Variants in PDP1 observed in about 807,000 individuals in gnomAD.
PDP1 encodes pyruvate dehyrogenase phosphatase catalytic subunit 1.
In PDP1, 14 loss-of-function variants were observed where a neutral mutation model predicts 37.1. The observed-to-expected ratio is 0.38, with a 90% CI of 0.25 to 0.59. PDP1 has a LOEUF of 0.59. Ranked by LOEUF, PDP1 falls within the 20% of genes least tolerant of loss-of-function variation. The pLI, the probability that PDP1 is intolerant of heterozygous loss-of-function variation, is 0.67. For missense variants in PDP1, 544 were observed against 655.3 expected, an observed-to-expected ratio of 0.83 and a Z score of 1.85; for synonymous variants, 251 against 243.3, an observed-to-expected ratio of 1.03 and a Z score of -0.29.
intron 1 of PDP1, among the ~76,000 whole-genome samples, chr8:93,919,600 C>G (rs1284932398): frequency 2.0e-5 from 3 of 149,846 alleles, no homozygotes; most frequent in Non-Finnish European, 4.4e-5. Context: ...TGTTATGCAT[C>G]TATCAACCCT....
At chr8:93,920,080 T>A (rs1156618455) in intron 1 of PDP1, 4 of 152,278 alleles carry the variant, frequency 2.6e-5, no homozygotes, top group African/African-American at 9.6e-5. Context: ...CATTACTTTC[T>A]ATTGCCTGAT....
chr8:93,923,603 G>A lies in PDP1; in HGVS notation c.1544G>A (p.Arg515Lys). The change falls in exon 2 of 2, where the codon AGA becomes AAA. Residue 515 changes from arginine (R) to lysine (K), a missense_variant. Transcript: ENST00000297598. This position sits in a 1 kb window ranked among gnomAD's most constrained non-coding sequence, Gnocchi z 4.3. ...SLPEELARMYRDDITIIVVQF... is the reference protein window; with the variant it reads ...SLPEELARMYKDDITIIVVQF... The stretch of plus-strand genomic sequence containing the variant: ...CCTGAAGAGCTTGCTCGAATGTACA[G>A]AGATGACATTACAATCATTGTAGTT... The A allele has an allele frequency of 6.2e-7, 1 of 1,614,148 alleles. No homozygotes were observed. The highest frequency in any genetic ancestry group is 1.7e-5 in the Admixed American group (1 of 60,024).
Position 93,916,960 on chromosome 8 carries a change from C to T in PDP1, c.-164C>T, listed in dbSNP as rs777681394. On this transcript the variant is annotated 5_prime_UTR_variant, in exon 1 of 2. Coordinates refer to ENST00000297598, the MANE Select transcript of PDP1 (RefSeq NM_018444.4). ...CGGTAGGGGAGCAGAGTGGGCAGGCCGGGGGTGAGGGCTCGCGCTCCGGGA... is the reference window on the plus strand; with the variant it reads ...CGGTAGGGGAGCAGAGTGGGCAGGCTGGGGGTGAGGGCTCGCGCTCCGGGA... 7 of 453,488 alleles carry T rather than the reference C, an allele frequency of 1.5e-5. No individual in the cohort carries two copies. Among genetic ancestry groups the T allele is most frequent in the Non-Finnish European group, 3.0e-5 (7 of 230,682 alleles). The allele number at this position is 453,488 out of a possible 1,614,324, so 28.1% of individuals were successfully genotyped here. A position where few individuals can be genotyped will look rare whatever the true frequency, so the allele number is the denominator to read the frequency against.
chr8:93,917,173 G>C (rs1255588513), intron 1 of PDP1, 94 bp downstream of exon 1: 1 of 404,348 alleles, frequency 2.5e-6, no homozygotes, highest in Non-Finnish European at 4.7e-6. Context: ...CTCGCGGATC[G>C]GCGGCCGCGG....
At chr8:93,919,509 C>CA (rs1008865019) in intron 1 of PDP1, among the ~76,000 whole-genome samples, 7 of 118,142 alleles carry the variant, frequency 5.9e-5, no homozygotes, top group East Asian at 6.1e-4. Context: ...CCCCCCCCGG[C>CA]AAAAAAATGT....
In PDP1 at chr8:93,923,764, TGG is replaced by T; in HGVS notation, c.*92_*93del. On this transcript the variant is annotated 3_prime_UTR_variant, in exon 2 of 2. Transcript: ENST00000297598. This position sits in a 1 kb window ranked among gnomAD's most constrained non-coding sequence, Gnocchi z 4.3. ...TACTACTATAATAAACATTTCCAGTTGGTCATTCTAAGCATTTACCCTTTTGA... is the reference window on the plus strand; with the variant it reads ...TACTACTATAATAAACATTTCCAGTTTCATTCTAAGCATTTACCCTTTTGA... 1 of 1,096,806 alleles carries T rather than the reference TGG, an allele frequency of 9.1e-7. No homozygotes were observed. Among genetic ancestry groups the T allele is most frequent in the Non-Finnish European group, 1.4e-6 (1 of 713,808 alleles). The allele number at this position is 1,096,806 out of a possible 1,614,324, so 67.9% of individuals were successfully genotyped here. A position where few individuals can be genotyped will look rare whatever the true frequency, so the allele number is the denominator to read the frequency against.
chr8:93,924,257 G>T lies in PDP1; in HGVS notation c.*584G>T. On this transcript the variant is annotated 3_prime_UTR_variant, in exon 2 of 2. Transcript: ENST00000297598. ...ATTTGACTGGAATGCTTCTTAAGTG[G>T]AATAACTATACTCCGTTATCCACCC... 1 of 168,018 alleles carries T rather than the reference G, an allele frequency of 6.0e-6. No homozygotes were observed. 10.4% of individuals were successfully genotyped at this position (168,018 alleles called of 1,614,324 possible).
intron 1 of PDP1, chr8:93,917,627 G>A: frequency 3.7e-6 from 2 of 547,394 alleles, no homozygotes; most frequent in East Asian, 6.6e-5. Context: ...TCGCGCCTGG[G>A]CCCCGCTGCC....
chr8:93,918,959 T>G (rs1810173656), intron 1 of PDP1: 1 of 154,000 alleles, frequency 6.5e-6, no homozygotes, highest in Admixed American at 6.5e-5. Context: ...CCAACTTCCC[T>G]AGGAATTTTG....
rs764697879 is a variant in PDP1, at chr8:93,917,079, G to A, written c.-45G>A. On this transcript the variant is annotated splice_region_variant and 5_prime_UTR_variant, in exon 1 of 2. Transcript: ENST00000297598. Reference sequence around the variant, plus strand: ...AATCGTTTGGTCTCCTGCCGTGCCCGGTTCGTATTCCCTACTCCCTGCCAC... The same window carrying A: ...AATCGTTTGGTCTCCTGCCGTGCCCAGTTCGTATTCCCTACTCCCTGCCAC... 1.0e-5 allele frequency: 5 copies of A among 478,668 alleles called. No homozygotes were observed. The highest frequency in any genetic ancestry group is 7.5e-5 in the South Asian group (5 of 66,900). 29.7% of individuals were successfully genotyped at this position (478,668 alleles called of 1,614,324 possible).
intron 1 of PDP1, chr8:93,921,616 G>A (rs1474797780): frequency 2.5e-5 from 4 of 158,984 alleles, no homozygotes; most frequent in African/African-American, 9.6e-5. Flanking sequence ...GAGATTTCAA[G>A]GCATTTTTTA....
intron 1 of PDP1, chr8:93,921,001 G>A: frequency 2.0e-6 from 2 of 984,082 alleles, no homozygotes; most frequent in Non-Finnish European, 2.4e-6. Flanking sequence ...TTGTTAGTAG[G>A]TAAATTAAGT....
Position 93,923,006 on chromosome 8 carries a change from C to T in PDP1, c.947C>T (p.Ala316Val). The T allele has an allele frequency of 6.2e-7, 1 of 1,614,162 alleles. No individual in the cohort carries two copies. The highest frequency in any genetic ancestry group is 1.1e-5 in the South Asian group (1 of 91,086). The change falls in exon 2 of 2, where the codon GCT (alanine) becomes GTT (valine). Residue 316 changes from alanine (A) to valine (V), a missense_variant. Physicochemically the swap from Ala to Val is moderately conservative, Grantham distance 64. Around this residue, in one of 5 missense-constraint regions of PDP1, gnomAD observed 342 missense variants for 414.0 expected, o/e 0.83. Transcript: ENST00000297598. This position sits in a 1 kb window ranked among gnomAD's most constrained non-coding sequence, Gnocchi z 4.3. ...GTCACGCTGTCTAATGACCACAATG[C>T]TCAAAATGAAAGAGAACTAGAACGG... ...SAVTLSNDHN[A>V]QNERELERLK...
chr8:93,917,519 G>A (rs1810109353), intron 1 of PDP1, among the ~76,000 whole-genome samples: 1 of 151,882 alleles, frequency 6.6e-6, no homozygotes, highest in Non-Finnish European at 1.5e-5. Flanking sequence ...GGGCGGGGCC[G>A]GGCCGGGCAG....
chr8:93,920,837 G>T (rs913722941), intron 1 of PDP1: 3 of 670,668 alleles, frequency 4.5e-6, no homozygotes, highest in Non-Finnish European at 3.7e-6. Context: ...TGATGTTTCA[G>T]TGCATGTATA....
chr8:93,919,627 A>G (rs1031273456), intron 1 of PDP1, among the ~76,000 whole-genome samples: 2 of 150,034 alleles, frequency 1.3e-5, no homozygotes, highest in Non-Finnish European at 3.0e-5. Context: ...CCCCCACACA[A>G]ATAGTATTTT....
rs1378517517 is a variant in PDP1 at position 93,922,727 on chromosome 8, A to T, written c.668A>T (p.Asn223Ile). 3 of 1,614,044 alleles carry T rather than the reference A, an allele frequency of 1.9e-6. No individual in the cohort carries two copies. The highest frequency in any genetic ancestry group is 1.1e-5 in the South Asian group (1 of 91,088). The stretch of plus-strand genomic sequence containing the variant: ...TACTGGCAAGAGCTTATAGACCTCA[A>T]CACTGGTGAGTCGACTGATATTGAT... ...RTYWQELIDL[N>I]TGESTDIDVK... The change falls in exon 2 of 2, where the codon AAC becomes ATC. Residue 223 changes from asparagine to isoleucine, a missense_variant. Asn to Ile is a moderately radical substitution (Grantham distance 149, BLOSUM62 -3). Transcript: ENST00000297598. This position sits in a 1 kb window ranked among gnomAD's most constrained non-coding sequence, Gnocchi z 4.0.
chr8:93,918,022 A>G lies in PDP1; in HGVS notation c.-45+943A>G, dbSNP rs569469202. The G allele has an allele frequency of 6.6e-6, 10 of 1,517,554 alleles. No individual in the cohort carries two copies. The East Asian group carries it at 1.6e-4, about 24-fold the overall frequency. The allele number at this position is 1,517,554 out of a possible 1,614,324, so 94.0% of individuals were successfully genotyped here. A position where few individuals can be genotyped will look rare whatever the true frequency, so the allele number is the denominator to read the frequency against. ...GATTTTTGTGTATGGATGGTTTTAG[A>G]TGAATCAGCGTGGTATTAAGGGATG... On this transcript the variant is annotated intron_variant, in intron 1 of 1. Transcript: ENST00000297598.
chr8:93,922,131 A>T lies in PDP1; in HGVS notation c.72A>T (p.Ala24=), dbSNP rs987721531. The T allele has an allele frequency of 6.2e-7, 1 of 1,613,946 alleles. No homozygotes were observed. Among genetic ancestry groups the T allele is most frequent in the South Asian group, 1.1e-5 (1 of 91,080 alleles). The change falls in exon 2 of 2, where the codon GCA becomes GCT. Residue 24 remains alanine (A), a synonymous_variant. Coordinates refer to ENST00000297598, the MANE Select transcript of PDP1 (RefSeq NM_018444.4). This position sits in a 1 kb window ranked among gnomAD's most constrained non-coding sequence, Gnocchi z 4.0. The part of the protein sequence containing the change: ...NCELSRIYGT[A]CYCHHKHLCC... ...AACTGAGCAGGATCTATGGCACTGC[A>T]TGTTACTGCCACCACAAACATCTCT...
Sources: gnomAD v4.1 joint callset for allele counts (sites outside exome capture counted in the v4.1 genomes callset) on GRCh38, gnomAD v4.1.1 for gene constraint, gnomAD v4.1.1 regional missense constraint, Gnocchi (gnomAD v3.1) non-coding constraint, MANE v1.5 for transcripts, NCBI Gene and HGNC (gene_info 2026-07-23, HGNC 2026-07-21) for gene names.